Variants in NLK observed in about 807,000 individuals in gnomAD.
The protein encoded by NLK is serine/threonine-protein kinase NLK.
NLK carries 11 observed loss-of-function variants against 59.0 expected under a neutral mutation model. The observed-to-expected ratio is 0.19, with a 90% CI of 0.12 to 0.31. The LOEUF (loss-of-function observed/expected upper bound fraction) is 0.31. Among genes scored for constraint, NLK ranks in the 10% least tolerant of loss-of-function variants. The pLI, the probability that NLK is intolerant of heterozygous loss-of-function variation, is 1.00. For missense variants in NLK, 410 were observed against 661.1 expected (o/e 0.62, Z 4.16); for synonymous variants, 235 against 235.9 (o/e 1.00, Z 0.03).
intron 7 of NLK, among the ~76,000 whole-genome samples, chr17:28,179,580 G>T (rs1248672537): frequency 6.6e-6 from 1 of 151,506 alleles, no homozygotes; most frequent in Non-Finnish European, 1.5e-5. Context: ...AAAATACAAA[G>T]AAAGTTAGCC....
intron 1 of NLK, among the ~76,000 whole-genome samples, chr17:28,099,074 A>AT (rs147196670): frequency 9.9e-5 from 15 of 152,192 alleles, no homozygotes; most frequent in Non-Finnish European, 2.1e-4. Flanking sequence ...AGGTCCACCC[A>AT]TTTTTTAAGG....
At chr17:28,054,493 G>A (rs1336901638) in intron 1 of NLK, among the ~76,000 whole-genome samples, 1 of 152,090 alleles carries the variant, frequency 6.6e-6, no homozygotes, top group East Asian at 1.9e-4. Flanking sequence ...GACCAACAAA[G>A]CACCTTTCTT....
intron 1 of NLK, among the ~76,000 whole-genome samples, chr17:28,112,060 G>A (rs1397729615): frequency 1.3e-5 from 2 of 151,964 alleles, no homozygotes; most frequent in Non-Finnish European, 2.9e-5. Context: ...TCTATGGAGA[G>A]TTCAGGCTAT....
At chr17:28,165,718 T>C (rs1317989537) in intron 5 of NLK, among the ~76,000 whole-genome samples, 1 of 152,200 alleles carries the variant, frequency 6.6e-6, no homozygotes, top group Non-Finnish European at 1.5e-5. Flanking sequence ...GTCTTCCAAA[T>C]AAGTTGCTAA....
At chr17:28,199,214 C>T (rs1251705780), downstream of NLK, among the ~76,000 whole-genome samples, 1 of 152,098 alleles carries the variant, frequency 6.6e-6, no homozygotes, top group Non-Finnish European at 1.5e-5. Context: ...GAAATACTGG[C>T]GAGGATGTGA....
Position 28,185,218 on chromosome 17 carries a change from A to C in NLK, c.1189A>C (p.Thr397Pro), listed in dbSNP as rs1259546336. The C allele has an allele frequency of 6.3e-7, 1 of 1,596,234 alleles. No individual in the cohort carries two copies. The highest frequency in any genetic ancestry group is 2.3e-5 in the East Asian group (1 of 44,316). Residue 397 changes from threonine (T) to proline (P), a missense_variant, in exon 8 of 11, where the codon ACA becomes CCA. Coordinates refer to ENST00000407008, the MANE Select transcript of NLK (RefSeq NM_016231.5). ...ACTCTATACCCTGTCTAGCCAGGCT[A>C]CACATGAAGCTGTTCATCTCCTTTG... ...PVLYTLSSQA[T>P]HEAVHLLCRM...
intron 1 of NLK, among the ~76,000 whole-genome samples, chr17:28,085,421 T>C (rs1040511895): frequency 2.6e-5 from 4 of 152,114 alleles, no homozygotes; most frequent in South Asian, 2.1e-4. Flanking sequence ...ACGGACCACA[T>C]ACACAATAGT....
chr17:28,144,320 G>A (rs899564113), intron 3 of NLK, among the ~76,000 whole-genome samples: 1 of 147,840 alleles, frequency 6.8e-6, no homozygotes, highest in Non-Finnish European at 1.5e-5. Context: ...TTTTCCCTCT[G>A]CTTTGAAGAG....
At chr17:28,179,348 G>A (rs1908804657) in intron 7 of NLK, among the ~76,000 whole-genome samples, 1 of 151,932 alleles carries the variant, frequency 6.6e-6, no homozygotes. Flanking sequence ...TCCCACCTCA[G>A]CCTCTCGAAT....
chr17:28,169,460 A>G (rs1457384768), intron 6 of NLK, among the ~76,000 whole-genome samples: 2 of 152,246 alleles, frequency 1.3e-5, no homozygotes, highest in East Asian at 3.8e-4. Context: ...GGAGATGATT[A>G]AAATATAATT....
chr17:28,168,405 T>G (rs2142054137), intron 5 of NLK, 43 bp from the exon 6 acceptor site: 1 of 1,411,752 alleles, frequency 7.1e-7, no homozygotes, highest in East Asian at 2.3e-5. Context: ...TACTCTTTCA[T>G]TTGTATTTGC....
Position 28,065,520 on chromosome 17 carries a change from G to T in NLK, c.458+22189G>T, listed in dbSNP as rs1265164044. ...TTATTAATACCTTGAGATTTTATCT[G>T]AATCTGGGAAGCTATTGAATGACTT... is the stretch of plus-strand genomic sequence containing the variant. On this transcript the variant is annotated intron_variant, in intron 1 of 10. Transcript: ENST00000407008. Among the ~76,000 whole-genome samples, 4 of 152,150 alleles carry T rather than the reference G, an allele frequency of 2.6e-5. No homozygotes were observed. The East Asian group carries it at 7.7e-4, about 29-fold the overall frequency.
chr17:28,088,054 C>T (rs1904346574), intron 1 of NLK, among the ~76,000 whole-genome samples: 1 of 152,174 alleles, frequency 6.6e-6, no homozygotes, highest in African/African-American at 2.4e-5. Flanking sequence ...ATTCAGGTGG[C>T]TTTGTCTTAG....
intron 3 of NLK, among the ~76,000 whole-genome samples, chr17:28,145,168 A>AT (rs1457092304): frequency 1.3e-5 from 2 of 152,048 alleles, no homozygotes; most frequent in South Asian, 2.1e-4. Context: ...TTGAAGTGGC[A>AT]TTTTTTTTAC....
intron 1 of NLK, among the ~76,000 whole-genome samples, chr17:28,065,027 C>T (rs1436357997): frequency 6.6e-6 from 1 of 152,074 alleles, no homozygotes; most frequent in Non-Finnish European, 1.5e-5. Flanking sequence ...TAACCTAGTC[C>T]AAATTATAAG....
intron 3 of NLK, among the ~76,000 whole-genome samples, chr17:28,156,268 G>A (rs1369657833): frequency 6.6e-6 from 1 of 152,066 alleles, no homozygotes; most frequent in African/African-American, 2.4e-5. Flanking sequence ...TTATTGAGGG[G>A]AAGGGAAAGG....
downstream of NLK, among the ~76,000 whole-genome samples, chr17:28,200,078 A>T (rs1331671905): frequency 6.6e-6 from 1 of 152,048 alleles, no homozygotes; most frequent in Admixed American, 6.6e-5. Context: ...TGAGTATGTG[A>T]TTTGCAACTA....
rs1909426939 is a variant in NLK, at chr17:28,194,801, G to A, written c.*165G>A. ...TGAATAATATTTAGAAATGTTACTA[G>A]ACTTTTAATCTTGTAAAGTGGTTGT... On this transcript the variant is annotated 3_prime_UTR_variant, in exon 11 of 11. Coordinates refer to ENST00000407008, the MANE Select transcript of NLK (RefSeq NM_016231.5). 2.3e-5 allele frequency: 10 copies of A among 425,928 alleles called. No homozygotes were observed. The East Asian group carries it at 3.4e-4, about 15-fold the overall frequency. The allele number at this position is 425,928 out of a possible 1,614,324, so 26.4% of individuals were successfully genotyped here.
At chr17:28,129,794 A>G (rs1004368541) in intron 2 of NLK, among the ~76,000 whole-genome samples, 5 of 152,146 alleles carry the variant, frequency 3.3e-5, no homozygotes, top group Admixed American at 2.0e-4. Context: ...TCTTGTCTTT[A>G]TAGTTAGGAT....
Sources: allele counts gnomAD v4.1 joint callset (sites outside exome capture counted in the v4.1 genomes callset), GRCh38; gene constraint gnomAD v4.1.1; transcripts MANE v1.5; gene names NCBI Gene and HGNC (gene_info 2026-07-23, HGNC 2026-07-21).